Variants in ABLIM2 observed in about 807,000 individuals in gnomAD.
ABLIM2 encodes actin-binding LIM protein 2.
Under a neutral mutation model 97.7 loss-of-function variants are expected in ABLIM2, and 53 were observed. That is an observed-to-expected ratio of 0.54 (90% CI 0.44 to 0.68). The LOEUF is 0.68. Among genes scored for constraint, ABLIM2 ranks in the 30% least tolerant of loss-of-function variants. ABLIM2 has a pLI of 0.00. For synonymous variants in ABLIM2, 361 were observed against 345.8 expected (o/e 1.04, Z -0.49); for missense variants, 835 against 867.2 (o/e 0.96, Z 0.47).
rs1578129042 is a variant in ABLIM2, at chr4:7,992,906, T to G, written c.1640A>C (p.Asp547Ala). ...ATTCTTTCCATGTCCTGGGAGAGGG[T>G]CAGATTTGGAATAGGGGAATCCTGA... is the stretch of plus-strand genomic sequence containing the variant. ...FHSRFPYSKS[D>A]PLPGHGKNGL... The change falls in exon 17 of 21, where the codon GAC (aspartate) becomes GCC (alanine). Residue 547 changes from aspartate to alanine, a missense_variant. Asp to Ala is a moderately radical substitution (Grantham distance 126, BLOSUM62 -2). Coordinates refer to ENST00000447017, the MANE Select transcript of ABLIM2 (RefSeq NM_001130083.2). This position sits in a 1 kb window ranked among gnomAD's most constrained non-coding sequence, Gnocchi z 5.7. 6.2e-7 allele frequency: 1 copy of G among 1,612,640 alleles called. No individual in the cohort carries two copies. Among genetic ancestry groups the G allele is most frequent in the African/African-American group, 1.3e-5 (1 of 74,820 alleles).
At chr4:8,142,324 C>T (rs1043146465) in intron 1 of ABLIM2, among the ~76,000 whole-genome samples, 1 of 152,214 alleles carries the variant, frequency 6.6e-6, no homozygotes, top group South Asian at 2.1e-4. Context: ...GGCATGGACT[C>T]TGCCTCACCT....
In ABLIM2 at chr4:8,128,897, G is replaced by A. The variant is rs924225573; in HGVS notation, c.11-22260C>T. Among the ~76,000 whole-genome samples, 2 of 152,174 alleles carry A rather than the reference G, an allele frequency of 1.3e-5. No individual in the cohort carries two copies. Among genetic ancestry groups the A allele is most frequent in the Non-Finnish European group, 1.5e-5 (1 of 68,032 alleles). ...TCAGAAGAGGGCCCACCCAGAGCCC[G>A]ACCATGCTGGCACTCTGATCTTGGA... On this transcript the variant is annotated intron_variant, in intron 1 of 20. Transcript: ENST00000447017. This position sits in a 1 kb window ranked among gnomAD's most constrained non-coding sequence, Gnocchi z 4.9.
In ABLIM2 at chr4:8,077,960, A is replaced by T. The variant is rs183481872; in HGVS notation, c.582-239T>A. Among the ~76,000 whole-genome samples, 291 of 152,322 alleles carry T rather than the reference A, an allele frequency of 1.9e-3. 1 individual carries two copies. The highest frequency in any genetic ancestry group is 3.7e-3 in the Non-Finnish European group (249 of 68,020). ...GGAGAAACTGAGGAGCACAGGCCAG[A>T]CCACCTGCCCAGTGGGTGGGAGGGG... On this transcript the variant is annotated intron_variant, in intron 5 of 20. Coordinates refer to ENST00000447017, the MANE Select transcript of ABLIM2 (RefSeq NM_001130083.2).
chr4:8,111,221 T>C (rs1191968450), intron 1 of ABLIM2, among the ~76,000 whole-genome samples: 2 of 152,248 alleles, frequency 1.3e-5, no homozygotes, highest in African/African-American at 4.8e-5. Context: ...CAATGAATAC[T>C]GCTAGCTGGA....
At chr4:8,025,318 C>T (rs534489173) in intron 12 of ABLIM2, among the ~76,000 whole-genome samples, 1 of 152,310 alleles carries the variant, frequency 6.6e-6, no homozygotes, top group Non-Finnish European at 1.5e-5. Flanking sequence ...AAACCTGGCC[C>T]CACCCAGGGG....
intron 1 of ABLIM2, among the ~76,000 whole-genome samples, chr4:8,152,272 G>A (rs1286002774): frequency 3.3e-5 from 5 of 152,246 alleles, no homozygotes; most frequent in Non-Finnish European, 7.3e-5. Context: ...AGGGATACGC[G>A]TGTTGCGGCT....
chr4:8,103,125 T>C (rs961784308), intron 2 of ABLIM2, among the ~76,000 whole-genome samples: 10 of 152,222 alleles, frequency 6.6e-5, no homozygotes, highest in Non-Finnish European at 1.5e-5. Context: ...GCATCCATCA[T>C]GACCCTGGTG....
In ABLIM2 at chr4:8,122,049, G is replaced by A. The variant is rs1438061335; in HGVS notation, c.11-15412C>T. Among the ~76,000 whole-genome samples the A allele has an allele frequency of 2.6e-5, 4 of 152,202 alleles. No homozygotes were observed. The highest frequency in any genetic ancestry group is 5.9e-5 in the Non-Finnish European group (4 of 68,028). On this transcript the variant is annotated intron_variant, in intron 1 of 20. Transcript: ENST00000447017. This position sits in a 1 kb window ranked among gnomAD's most constrained non-coding sequence, Gnocchi z 4.1. The stretch of plus-strand genomic sequence containing the variant: ...CCCACTCTCTCTCCAGGCAGCTGCT[G>A]TGGTACATGTCCCCAGTGCAGGGAC...
chr4:8,028,596 C>T (rs1400963084), intron 11 of ABLIM2, among the ~76,000 whole-genome samples: 2 of 152,198 alleles, frequency 1.3e-5, no homozygotes, highest in Non-Finnish European at 2.9e-5. Context: ...ATCACTCATT[C>T]ACTCACTCAC....
At chr4:8,114,396 A>G (rs1176698288) in intron 1 of ABLIM2, among the ~76,000 whole-genome samples, 1 of 152,168 alleles carries the variant, frequency 6.6e-6, no homozygotes. Context: ...ATCCTGCCAC[A>G]CTGTCTTTTC....
rs911193337 is a variant in ABLIM2 at position 8,001,127 on chromosome 4, C to T, written c.1618+6932G>A. Among the ~76,000 whole-genome samples the T allele has an allele frequency of 9.2e-5, 14 of 152,168 alleles. No homozygotes were observed. The highest frequency in any genetic ancestry group is 3.1e-4 in the African/African-American group (13 of 41,440). The stretch of plus-strand genomic sequence containing the variant: ...CCTTGGTGTGTCCATCTGAGGAAGA[C>T]GGGCACCCCTCATCCCTGAGCAGCG... On this transcript the variant is annotated intron_variant, in intron 16 of 20. Coordinates refer to ENST00000447017, the MANE Select transcript of ABLIM2 (RefSeq NM_001130083.2). The surrounding 1 kb of genome is among the most constrained non-coding windows in gnomAD (Gnocchi z 4.2).
In ABLIM2 at chr4:8,066,365, GGAAGGAAGGAAGGAAGGAAGGAAGGAA is replaced by G. The variant is rs1807549788; in HGVS notation, c.676-5338_676-5312del. Among the ~76,000 whole-genome samples the G allele has an allele frequency of 2.6e-3, 134 of 52,112 alleles. 5 individuals are homozygous for G. Among genetic ancestry groups the G allele is most frequent in the African/African-American group, 8.8e-3 (99 of 11,278 alleles). The allele number at this position is 52,112 out of a possible 152,430, so 34.2% of individuals were successfully genotyped here. A position where few individuals can be genotyped will look rare whatever the true frequency, so the allele number is the denominator to read the frequency against. On this transcript the variant is annotated intron_variant, in intron 6 of 20. Transcript: ENST00000447017. Reference sequence around the variant, plus strand: ...GGGAGAGAGGGAGGGAGGGAGGGAAGGAAGGAAGGAAGGAAGGAAGGAAGGAAGGAAGGAAGGAAGGAAGGAAGGAAG... The same window carrying G: ...GGGAGAGAGGGAGGGAGGGAGGGAAGGGAAGGAAGGAAGGAAGGAAGGAAG...
At chr4:8,077,599 C>CT in intron 6 of ABLIM2, 29 bp downstream of exon 6, 4 of 1,572,818 alleles carry the variant, frequency 2.5e-6, no homozygotes, top group Non-Finnish European at 3.5e-6. Context: ...TAGCTCAGAG[C>CT]GGGCAGGGGC....
chr4:7,974,404 CATCCATCCACCA>C (rs1418977353), intron 20 of ABLIM2, among the ~76,000 whole-genome samples: 81 of 129,962 alleles, frequency 6.2e-4, no homozygotes, highest in African/African-American at 8.1e-4. Context: ...TCCATCCACC[CATCCATCCACCA>C]ATCCATCCAC....
At chr4:8,110,512 C>T (rs1448058797) in intron 1 of ABLIM2, among the ~76,000 whole-genome samples, 1 of 152,122 alleles carries the variant, frequency 6.6e-6, no homozygotes, top group East Asian at 1.9e-4. Flanking sequence ...CCCAAGGATG[C>T]CAGGACCATG....
At chr4:8,137,477 G>A (rs368573561) in intron 1 of ABLIM2, among the ~76,000 whole-genome samples, 2 of 152,218 alleles carry the variant, frequency 1.3e-5, no homozygotes, top group Non-Finnish European at 2.9e-5. Flanking sequence ...GCAGGGGAGC[G>A]GGGGCGTCCC....
chr4:8,034,492 G>GGGTGGGTGGTAGGTA (rs1782982855), intron 10 of ABLIM2, among the ~76,000 whole-genome samples: 1 of 93,842 alleles, frequency 1.1e-5, no homozygotes, highest in Non-Finnish European at 2.2e-5. Flanking sequence ...GGGTGCAGGT[G>GGGTGGGTGGTAGGTA]GGTGGGTGGT....
chr4:7,975,342 C>G (rs528815134), intron 20 of ABLIM2, among the ~76,000 whole-genome samples: 25 of 152,368 alleles, frequency 1.6e-4, no homozygotes, highest in African/African-American at 4.3e-4. Context: ...GAACCCCGCT[C>G]TGCATGTTGG....
At chr4:8,157,622 T>C (rs1364462531) in intron 1 of ABLIM2, among the ~76,000 whole-genome samples, 1 of 152,210 alleles carries the variant, frequency 6.6e-6, no homozygotes, top group African/African-American at 2.4e-5. Flanking sequence ...CAGGAAGCTC[T>C]TACTAAATTC....
Sources: allele counts gnomAD v4.1 joint callset (sites outside exome capture counted in the v4.1 genomes callset), GRCh38; gene constraint gnomAD v4.1.1; non-coding constraint Gnocchi (gnomAD v3.1); transcripts MANE v1.5; gene names NCBI Gene and HGNC (gene_info 2026-07-23, HGNC 2026-07-21).